The following ARG2 variants were observed in gnomAD, a reference collection of about 807,000 sequenced individuals.
The protein encoded by ARG2 is arginase-2, mitochondrial.
In ARG2, 21 loss-of-function variants were observed where a neutral mutation model predicts 39.4. The ratio of observed to expected loss-of-function variants is 0.53; its 90% CI spans 0.38 to 0.77. The LOEUF (loss-of-function observed/expected upper bound fraction) is 0.77. Among genes scored for constraint, ARG2 ranks in the 30% least tolerant of loss-of-function variants. The pLI is 0.00. For synonymous variants in ARG2, 150 were observed against 156.7 expected (o/e 0.96, Z 0.32); for missense variants, 378 against 426.2 (o/e 0.89, Z 1.00).
intron 2 of ARG2, among the ~76,000 whole-genome samples, chr14:67,624,983 A>T (rs777701339): frequency 4.7e-4 from 71 of 152,310 alleles, no homozygotes; most frequent in Non-Finnish European, 8.7e-4. Flanking sequence ...TTACTGCAAA[A>T]GGGAGAACAG....
chr14:67,651,370 C>T lies in ARG2; in HGVS notation c.*450C>T. 1 of 1,613,468 alleles carries T rather than the reference C, an allele frequency of 6.2e-7. No homozygotes were observed. Among genetic ancestry groups the T allele is most frequent in the Non-Finnish European group, 8.5e-7 (1 of 1,179,546 alleles). On this transcript the variant is annotated 3_prime_UTR_variant, in exon 8 of 8. Transcript: ENST00000261783. ...AGGTCAAAGTTCTGGTCCACAAACC[C>T]TTCCCTATAGAAGTTCAATGGCTGC...
At position 67,628,840 on chromosome 14, in the gene ARG2, T is replaced by C. The variant is rs189107016; in HGVS notation, c.184+7874T>C. On this transcript the variant is annotated intron_variant, in intron 2 of 7. Coordinates refer to ENST00000261783, the MANE Select transcript of ARG2 (RefSeq NM_001172.4). ...TGGCAACTCCTCTAAAAATTAAAAA[T>C]AGAATTACTATATGATTTAGCAATT... 1.5e-4 allele frequency among the ~76,000 whole-genome samples: 23 copies of C among 152,298 alleles called. No individual in the cohort carries two copies. The East Asian group carries it at 4.4e-3, about 29-fold the overall frequency.
chr14:67,642,144 T>C (rs747528389), intron 2 of ARG2, 42 bp from the exon 3 acceptor site: 41 of 1,596,352 alleles, frequency 2.6e-5, no homozygotes, highest in Non-Finnish European at 3.3e-5. Context: ...GAGTTGGAGA[T>C]AGCACAGAAA....
intron 3 of ARG2, among the ~76,000 whole-genome samples, chr14:67,642,629 A>G (rs951103415): frequency 1.3e-5 from 2 of 152,046 alleles, no homozygotes; most frequent in Non-Finnish European, 2.9e-5. Flanking sequence ...CAAGGTTCCT[A>G]GGCACTGTGT....
intron 1 of ARG2, among the ~76,000 whole-genome samples, 176 bp from the exon 2 acceptor site, chr14:67,620,718 G>A (rs537352249): frequency 3.9e-5 from 6 of 152,116 alleles, no homozygotes; most frequent in Admixed American, 6.5e-5. Flanking sequence ...AGCCTCTCCC[G>A]TCTTGGCTTG....
Position 67,642,793 on chromosome 14 carries a change from C to CTTTTTTTTTTTTTTTTTTTTTTT in ARG2, c.362+435_362+457dup, listed in dbSNP as rs869215946. Among the ~76,000 whole-genome samples, 9 of 75,556 alleles carry CTTTTTTTTTTTTTTTTTTTTTTT rather than the reference C, an allele frequency of 1.2e-4. 1 individual carries two copies. The highest frequency in any genetic ancestry group is 4.4e-4 in the African/African-American group (8 of 18,252). 49.6% of individuals were successfully genotyped at this position (75,556 alleles called of 152,430 possible). A position where few individuals can be genotyped will look rare whatever the true frequency, so the allele number is the denominator to read the frequency against. ...CCCCTTTGGCATGTTACTACATTTT[C>CTTTTTTTTTTTTTTTTTTTTTTT]TTTTTTTTTTTTTTTTTTTTTTTTT... On this transcript the variant is annotated intron_variant, in intron 3 of 7. Transcript: ENST00000261783.
chr14:67,632,863 C>T (rs1191498014), intron 2 of ARG2, among the ~76,000 whole-genome samples: 1 of 116,004 alleles, frequency 8.6e-6, no homozygotes, highest in Admixed American at 1.2e-4. Flanking sequence ...CTCTATCGCT[C>T]AGGCTGGAGT....
chr14:67,625,104 T>G (rs556789878), intron 2 of ARG2, among the ~76,000 whole-genome samples: 12 of 151,550 alleles, frequency 7.9e-5, no homozygotes, highest in African/African-American at 2.4e-4. Context: ...CACAAGTCAG[T>G]AAGGAAAGAA....
At chr14:67,628,137 A>G (rs2036886519) in intron 2 of ARG2, among the ~76,000 whole-genome samples, 1 of 152,122 alleles carries the variant, frequency 6.6e-6, no homozygotes, top group African/African-American at 2.4e-5. Context: ...GGCCCTCTCC[A>G]ATCTCACCTG....
At position 67,642,168 on chromosome 14, in the gene ARG2, T is replaced by C; in HGVS notation, c.185-18T>C. 6.2e-7 allele frequency: 1 copy of C among 1,611,378 alleles called. No homozygotes were observed. Among genetic ancestry groups the C allele is most frequent in the Non-Finnish European group, 8.5e-7 (1 of 1,177,718 alleles). Reference sequence around the variant, plus strand: ...ATAGCACAGAAAATTCATCTTGTCATCCCTCATTTGCTTCCAGGCTGCCAC... The same window carrying C: ...ATAGCACAGAAAATTCATCTTGTCACCCCTCATTTGCTTCCAGGCTGCCAC... On this transcript the variant is annotated intron_variant, in intron 2 of 7. Coordinates refer to ENST00000261783, the MANE Select transcript of ARG2 (RefSeq NM_001172.4).
intron 2 of ARG2, among the ~76,000 whole-genome samples, chr14:67,633,856 G>C (rs1423804370): frequency 6.6e-6 from 1 of 152,056 alleles, no homozygotes; most frequent in Admixed American, 6.6e-5. Flanking sequence ...CTTATTCCTG[G>C]CTAATGTCTT....
intron 2 of ARG2, among the ~76,000 whole-genome samples, chr14:67,633,569 C>T (rs1594824728): frequency 6.6e-6 from 1 of 152,278 alleles, no homozygotes; most frequent in East Asian, 1.9e-4. Flanking sequence ...ACTCTGTTCC[C>T]TCTCATTTAT....
At chr14:67,634,460 G>A (rs2036949443) in intron 2 of ARG2, among the ~76,000 whole-genome samples, 1 of 151,560 alleles carries the variant, frequency 6.6e-6, no homozygotes, top group Non-Finnish European at 1.5e-5. Context: ...ATTTAGCTAG[G>A]TGTGGCTTCT....
chr14:67,646,960 G>A lies in ARG2; in HGVS notation c.657G>A (p.Met219Ile), dbSNP rs1304938560. 3 of 1,611,968 alleles carry A rather than the reference G, an allele frequency of 1.9e-6. No homozygotes were observed. The highest frequency in any genetic ancestry group is 1.1e-5 in the South Asian group (1 of 90,990). ...ACTATGATATCCAGTATTTTTCCAT[G>A]AGAGATATTGATCGACTTGGTATCC... Reference protein sequence around the residue: ...LKNYDIQYFSMRDIDRLGIQK... With the variant: ...LKNYDIQYFSIRDIDRLGIQK... Residue 219 changes from methionine (M) to isoleucine (I), a missense_variant, in exon 6 of 8, where the codon ATG becomes ATA. Met to Ile is a conservative substitution (Grantham distance 10). Transcript: ENST00000261783.
At chr14:67,646,174 G>A (rs1343063129) in intron 4 of ARG2, among the ~76,000 whole-genome samples, 2 of 152,142 alleles carry the variant, frequency 1.3e-5, no homozygotes, top group Non-Finnish European at 2.9e-5. Context: ...GTCCATGTTA[G>A]GCACAGACTA....
intron 3 of ARG2, among the ~76,000 whole-genome samples, chr14:67,643,602 T>C (rs1200763383): frequency 1.3e-5 from 2 of 152,140 alleles, no homozygotes; most frequent in Admixed American, 6.5e-5. Context: ...GGTGGGAGGA[T>C]TGCTTGAGCC....
chr14:67,637,984 C>T (rs1025103725), intron 2 of ARG2, among the ~76,000 whole-genome samples: 12 of 152,102 alleles, frequency 7.9e-5, no homozygotes, highest in African/African-American at 2.7e-4. Context: ...CTTCCTCTCC[C>T]GCTGCCTTGA....
chr14:67,634,673 G>A (rs1204692045), intron 2 of ARG2, among the ~76,000 whole-genome samples: 1 of 151,868 alleles, frequency 6.6e-6, no homozygotes, highest in Non-Finnish European at 1.5e-5. Context: ...TTTAAACCAG[G>A]ACATCAGTAG....
At chr14:67,629,449 T>C (rs2036897394) in intron 2 of ARG2, among the ~76,000 whole-genome samples, 1 of 152,250 alleles carries the variant, frequency 6.6e-6, no homozygotes, top group Non-Finnish European at 1.5e-5. Flanking sequence ...AAATACAGCA[T>C]GATTCCATTT....
Sources: gnomAD v4.1 joint callset for allele counts (sites outside exome capture counted in the v4.1 genomes callset) on GRCh38, gnomAD v4.1.1 for gene constraint, MANE v1.5 for transcripts, NCBI Gene and HGNC (gene_info 2026-07-23, HGNC 2026-07-21) for gene names.